The following PRH1 variants were observed in gnomAD, a reference collection of about 807,000 sequenced individuals.
The protein encoded by PRH1 is proline rich protein HaeIII subfamily 1.
PRH1 carries 7 observed loss-of-function variants against 7.9 expected under a neutral mutation model. The observed-to-expected ratio is 0.89, with a 90% CI of 0.50 to 1.67. The LOEUF (loss-of-function observed/expected upper bound fraction) is 1.67, where lower values mean the gene tolerates loss of function less well. PRH1 is among the 40% of genes most tolerant of loss of function. PRH1 has a pLI of 0.00. For missense variants in PRH1, 109 were observed against 223.6 expected (o/e 0.49, Z 3.27); for synonymous variants, 45 against 80.8 (o/e 0.56, Z 2.38).
chr12:10,910,483 A>G (rs1949881517), intron 2 of PRH1, among the ~76,000 whole-genome samples: 1 of 152,120 alleles, frequency 6.6e-6, no homozygotes, highest in Non-Finnish European at 1.5e-5. Context: ...AAAAAAATAA[A>G]AAGTAAAAAA....
chr12:11,061,730 T>G (rs1660310439), intron 1 of PRH1: 1 of 1,613,998 alleles, frequency 6.2e-7, no homozygotes, highest in Admixed American at 1.7e-5. Flanking sequence ...AGGGTCAGAG[T>G]GAAGGGAACT....
chr12:11,162,934 T>A (rs192508429), intron 1 of PRH1, among the ~76,000 whole-genome samples: 1 of 152,190 alleles, frequency 6.6e-6, no homozygotes, highest in Non-Finnish European at 1.5e-5. Flanking sequence ...TGGAACACTA[T>A]TCAGCTGTAA....
At chr12:10,989,544 C>T (rs752629026) in intron 1 of PRH1, among the ~76,000 whole-genome samples, 1 of 152,150 alleles carries the variant, frequency 6.6e-6, no homozygotes, top group Admixed American at 6.5e-5. Context: ...ACTAAATTCA[C>T]TTTTTGATAC....
chr12:10,944,671 T>C (rs1322428088), intron 2 of PRH1, among the ~76,000 whole-genome samples: 1 of 152,216 alleles, frequency 6.6e-6, no homozygotes, highest in Non-Finnish European at 1.5e-5. Flanking sequence ...CTTTTGCCCA[T>C]TCAGTATGAT....
chr12:10,929,399 AG>A lies in PRH1; in HGVS notation c.-59+44255del, dbSNP rs1301799969. Reference sequence around the variant, plus strand: ...TGGGGTTTACGGGCGAATGCTATAGAGGGGGAAAGTGGAGGGAAGAGAGGAG... The same window carrying A: ...TGGGGTTTACGGGCGAATGCTATAGAGGGGAAAGTGGAGGGAAGAGAGGAG... On this transcript the variant is annotated intron_variant, in intron 2 of 3. Transcript: ENST00000539853. The A allele has an allele frequency of 3.9e-5, 63 of 1,599,702 alleles. No homozygotes were observed. In the Admixed American group the frequency reaches 1.1e-3, roughly 27 times the overall value.
intron 2 of PRH1, among the ~76,000 whole-genome samples, chr12:10,960,211 C>G (rs144352974): frequency 6.6e-6 from 1 of 152,170 alleles, no homozygotes; most frequent in Admixed American, 6.5e-5. Context: ...AGGTCAGGCA[C>G]TGATATGACA....
chr12:11,088,242 G>A (rs1256584861), intron 1 of PRH1, among the ~76,000 whole-genome samples: 1 of 125,396 alleles, frequency 8.0e-6, no homozygotes, highest in Admixed American at 8.1e-5. Context: ...TAGCAATGCA[G>A]AGGTGGGGGA....
rs1249932559 is a variant in PRH1, at chr12:10,972,938, C to CCG, written c.-59+716_-59+717insCG. On this transcript the variant is annotated intron_variant, in intron 2 of 3. Coordinates refer to the PRH1 transcript ENST00000539853. ...GTACAAAGCACCACAACCCACCCCC[C>CCG]CCGCCCGCCCACACACACACCACAT... Among the ~76,000 whole-genome samples, 3 of 127,446 alleles carry CCG rather than the reference C, an allele frequency of 2.4e-5. 1 individual carries two copies. Among genetic ancestry groups the CCG allele is most frequent in the Non-Finnish European group, 3.4e-5 (2 of 58,904 alleles). 83.6% of individuals were successfully genotyped at this position (127,446 alleles called of 152,430 possible).
At chr12:11,054,869 C>A (rs1165622015) in intron 1 of PRH1, among the ~76,000 whole-genome samples, 1 of 119,920 alleles carries the variant, frequency 8.3e-6, no homozygotes, top group African/African-American at 3.2e-5. Flanking sequence ...GTGGCGAGAT[C>A]TCGGCTCACT....
At chr12:10,976,631 G>T (rs766283308) in intron 1 of PRH1, among the ~76,000 whole-genome samples, 2 of 118,324 alleles carry the variant, frequency 1.7e-5, no homozygotes, top group Non-Finnish European at 4.0e-5. Flanking sequence ...GTGGGCTGAG[G>T]AGTTTTTTTT....
At chr12:11,002,602 A>G (rs922960684) in intron 1 of PRH1, among the ~76,000 whole-genome samples, 1 of 152,096 alleles carries the variant, frequency 6.6e-6, no homozygotes, top group Non-Finnish European at 1.5e-5. Context: ...TTATCTTTTA[A>G]TAGTATCATT....
At chr12:11,092,748 C>T (rs1944970527) in intron 1 of PRH1, among the ~76,000 whole-genome samples, 1 of 115,652 alleles carries the variant, frequency 8.6e-6, no homozygotes, top group East Asian at 2.1e-4. Flanking sequence ...GTATAGCTGG[C>T]TTCATCTCTC....
intron 2 of PRH1, among the ~76,000 whole-genome samples, chr12:10,933,465 T>G (rs1950242549): frequency 1.3e-5 from 2 of 152,046 alleles, no homozygotes. Context: ...ACTCTAACAG[T>G]AATAACTATA....
At chr12:11,114,965 A>G (rs1945690422) in intron 1 of PRH1, among the ~76,000 whole-genome samples, 1 of 152,170 alleles carries the variant, frequency 6.6e-6, no homozygotes, top group Admixed American at 6.6e-5. Flanking sequence ...CTAAAGAAAA[A>G]TAGGAAGGTA....
intron 2 of PRH1, chr12:10,930,554 G>A (rs942947812): frequency 1.5e-5 from 23 of 1,548,798 alleles, no homozygotes; most frequent in South Asian, 5.1e-5. Context: ...TGGGAGTTGA[G>A]AGGCAGGTCA....
At chr12:11,043,740 T>A (rs1385707531) in intron 1 of PRH1, among the ~76,000 whole-genome samples, 1 of 151,962 alleles carries the variant, frequency 6.6e-6, no homozygotes, top group Non-Finnish European at 1.5e-5. Flanking sequence ...ACCAAAGAGA[T>A]GAAAGATCTC....
chr12:11,133,780 T>C (rs112849631), intron 1 of PRH1: 25,612 of 1,614,162 alleles, frequency 0.016, 237 homozygotes, highest in Middle Eastern at 0.033. Context: ...CATATTCTTT[T>C]GTCCATACAG....
chr12:11,068,607 G>C (rs1943923336), intron 1 of PRH1, among the ~76,000 whole-genome samples: 1 of 152,128 alleles, frequency 6.6e-6, no homozygotes, highest in African/African-American at 2.4e-5. Context: ...ACTCATATTT[G>C]ATTATAGAGC....
chr12:11,060,244 A>G (rs1245791152), intron 1 of PRH1, among the ~76,000 whole-genome samples: 2 of 152,126 alleles, frequency 1.3e-5, no homozygotes, highest in Admixed American at 6.5e-5. Context: ...CTTTCATTTC[A>G]TCATTGACAA....
Sources: allele counts gnomAD v4.1 joint callset (sites outside exome capture counted in the v4.1 genomes callset), GRCh38; gene constraint gnomAD v4.1.1; transcripts MANE v1.5; gene names NCBI Gene and HGNC (gene_info 2026-07-23, HGNC 2026-07-21).